DNAJC15: variants seen among roughly 807,000 people sequenced by gnomAD.
DNAJC15 encodes the protein DnaJ heat shock protein family (Hsp40) member C15.
DNAJC15 carries 27 observed loss-of-function variants against 22.4 expected under a neutral mutation model. The ratio of observed to expected loss-of-function variants is 1.20; its 90% CI spans 0.89 to 1.66. The LOEUF (loss-of-function observed/expected upper bound fraction) is 1.66. DNAJC15 is among the 40% of genes most tolerant of loss of function. The pLI, the probability that DNAJC15 is intolerant of heterozygous loss-of-function variation, is 0.00. For missense variants in DNAJC15, 208 were observed against 187.1 expected (o/e 1.11, Z -0.65); for synonymous variants, 79 against 63.2 (o/e 1.25, Z -1.19).
intron 1 of DNAJC15, among the ~76,000 whole-genome samples, chr13:43,037,286 A>G (rs1302646618): frequency 6.6e-6 from 1 of 152,232 alleles, no homozygotes; most frequent in African/African-American, 2.4e-5. Flanking sequence ...TAAGGTGTAC[A>G]TCAGATATAA....
At chr13:43,053,357 T>G (rs2040514347) in intron 1 of DNAJC15, among the ~76,000 whole-genome samples, 1 of 152,214 alleles carries the variant, frequency 6.6e-6, no homozygotes, top group South Asian at 2.1e-4. Context: ...GATTTGTTCT[T>G]TTTCCTTAGT....
At chr13:43,075,860 C>T (rs2040631535) in intron 3 of DNAJC15, among the ~76,000 whole-genome samples, 1 of 152,144 alleles carries the variant, frequency 6.6e-6, no homozygotes, top group Admixed American at 6.5e-5. Context: ...GACGGGGTTT[C>T]ACTGTGTTGG....
chr13:43,084,657 TTTG>T (rs2040678884), intron 4 of DNAJC15, among the ~76,000 whole-genome samples: 1 of 152,264 alleles, frequency 6.6e-6, no homozygotes, highest in South Asian at 2.1e-4. Flanking sequence ...GTAGTAGGAT[TTTG>T]TTGTTGTTAG....
chr13:43,105,528 T>G (rs1016165027), intron 5 of DNAJC15, among the ~76,000 whole-genome samples: 2 of 152,166 alleles, frequency 1.3e-5, no homozygotes, highest in Non-Finnish European at 2.9e-5. Context: ...GGTAGAGAAT[T>G]CAACGTTATT....
intron 1 of DNAJC15, among the ~76,000 whole-genome samples, chr13:43,034,361 A>G (rs190576804): frequency 0.011 from 1,424 of 123,842 alleles, 19 homozygotes; most frequent in African/African-American, 0.023. Context: ...TGTCGCCCAG[A>G]CTGGAGTGCA....
chr13:43,105,152 A>G (rs1006073357), intron 5 of DNAJC15, among the ~76,000 whole-genome samples: 3 of 151,972 alleles, frequency 2.0e-5, no homozygotes, highest in Admixed American at 6.6e-5. Flanking sequence ...GCCTACAAGA[A>G]TCATTCCTAA....
intron 2 of DNAJC15, among the ~76,000 whole-genome samples, chr13:43,068,303 C>G (rs1003875807): frequency 5.3e-5 from 8 of 152,124 alleles, no homozygotes; most frequent in East Asian, 1.9e-4. Flanking sequence ...GTTGTTAAAA[C>G]TCAGGGGAGT....
chr13:43,070,925 C>T (rs1292633291), intron 3 of DNAJC15, among the ~76,000 whole-genome samples: 2 of 151,952 alleles, frequency 1.3e-5, no homozygotes, highest in Non-Finnish European at 2.9e-5. Flanking sequence ...TGAGATAGTC[C>T]GGGTGATAGA....
In DNAJC15 at chr13:43,107,327, T is replaced by C. The variant is rs2153442512; in HGVS notation, c.*79T>C. On this transcript the variant is annotated 3_prime_UTR_variant, in exon 6 of 6. Coordinates refer to ENST00000379221, the MANE Select transcript of DNAJC15 (RefSeq NM_013238.3). ...AAGCCCTGCAAAATATTCTAAAACA[T>C]GGTCTTCTTAATTTTCTATATGGAT... 5 of 1,245,788 alleles carry C rather than the reference T, an allele frequency of 4.0e-6. No homozygotes were observed. The highest frequency in any genetic ancestry group is 4.3e-6 in the Non-Finnish European group (4 of 930,416). 77.2% of individuals were successfully genotyped at this position (1,245,788 alleles called of 1,614,324 possible). A position where few individuals can be genotyped will look rare whatever the true frequency, so the allele number is the denominator to read the frequency against.
chr13:43,040,033 G>A (rs2875506), intron 1 of DNAJC15, among the ~76,000 whole-genome samples: 80,848 of 151,416 alleles, frequency 0.53, 21,630 homozygotes, highest in South Asian at 0.64. Flanking sequence ...GAGAGAGAGA[G>A]AAAAAGAAAT....
chr13:43,051,661 G>GTGTGTGTGTGTGTATA (rs899772980), intron 1 of DNAJC15, among the ~76,000 whole-genome samples: 1 of 78,026 alleles, frequency 1.3e-5, no homozygotes, highest in Admixed American at 1.4e-4. Flanking sequence ...GTGTGTGTGT[G>GTGTGTGTGTGTGTATA]TATATATATC....
intron 2 of DNAJC15, among the ~76,000 whole-genome samples, chr13:43,067,150 G>A (rs963534731): frequency 3.9e-5 from 6 of 152,176 alleles, no homozygotes; most frequent in African/African-American, 1.4e-4. Flanking sequence ...GCTATATAGA[G>A]TTTAGTAAGA....
chr13:43,060,531 T>G (rs768246568), intron 1 of DNAJC15, among the ~76,000 whole-genome samples: 1 of 151,974 alleles, frequency 6.6e-6, no homozygotes, highest in Non-Finnish European at 1.5e-5. Flanking sequence ...TATCCTTGAG[T>G]TTTTTATGTT....
chr13:43,106,415 A>T (rs551573163), intron 5 of DNAJC15, among the ~76,000 whole-genome samples: 1 of 152,284 alleles, frequency 6.6e-6, no homozygotes, highest in South Asian at 2.1e-4. Flanking sequence ...ATTTACAATG[A>T]TTCTGCATTT....
chr13:43,102,633 AT>A (rs1212305415), intron 5 of DNAJC15, among the ~76,000 whole-genome samples: 1 of 152,006 alleles, frequency 6.6e-6, no homozygotes, highest in Non-Finnish European at 1.5e-5. Flanking sequence ...ATAAATATAT[AT>A]TTATTTTTTA....
intron 1 of DNAJC15, among the ~76,000 whole-genome samples, chr13:43,048,365 G>A (rs2040487271): frequency 6.6e-6 from 1 of 151,782 alleles, no homozygotes. Flanking sequence ...GGTGGCTCAT[G>A]CCTGTAATCC....
Position 43,112,279 on chromosome 13 carries a change from G to T in DNAJC15, c.*5031G>T, listed in dbSNP as rs572619917. ...ATAATAACCCTTTCCCTCTCTGTTC[G>T]ATTCAACAGTATCTAGCAGCACTGC... On this transcript the variant is annotated 3_prime_UTR_variant, in exon 6 of 6. Transcript: ENST00000379221. 6.6e-6 allele frequency: 1 copy of T among 152,036 alleles called. No homozygotes were observed. Among genetic ancestry groups the T allele is most frequent in the Non-Finnish European group, 1.5e-5 (1 of 68,020 alleles). The allele number at this position is 152,036 out of a possible 1,614,324, so 9.4% of individuals were successfully genotyped here.
chr13:43,063,926 G>A (rs187601939), intron 1 of DNAJC15, among the ~76,000 whole-genome samples: 2 of 152,326 alleles, frequency 1.3e-5, no homozygotes, highest in Non-Finnish European at 2.9e-5. Context: ...CCAGGGAAGC[G>A]CTAGAAAATG....
intron 5 of DNAJC15, among the ~76,000 whole-genome samples, chr13:43,102,337 G>A (rs2040773378): frequency 6.6e-6 from 1 of 151,972 alleles, no homozygotes; most frequent in Non-Finnish European, 1.5e-5. Context: ...TTAGCCCTTT[G>A]TCAGATACAC....
Sources: gnomAD v4.1 joint callset for allele counts (sites outside exome capture counted in the v4.1 genomes callset) on GRCh38, gnomAD v4.1.1 for gene constraint, MANE v1.5 for transcripts, NCBI Gene and HGNC (gene_info 2026-07-23, HGNC 2026-07-21) for gene names.